SDK1: variants seen among roughly 807,000 people sequenced by gnomAD.
SDK1 encodes protein sidekick-1.
SDK1 carries 157 observed loss-of-function variants against 245.5 expected under a neutral mutation model. That is an observed-to-expected ratio of 0.64 (90% CI 0.56 to 0.73). The LOEUF is 0.73. Ranked by LOEUF, SDK1 falls within the 30% of genes least tolerant of loss-of-function variation. The pLI, the probability that SDK1 is intolerant of heterozygous loss-of-function variation, is 0.00. For synonymous variants in SDK1, 1,647 were observed against 1,278.5 expected (o/e 1.29, Z -6.15); for missense variants, 3,583 against 3,002.3 (o/e 1.19, Z -4.52).
intron 19 of SDK1, among the ~76,000 whole-genome samples, chr7:4,053,935 T>G (rs527880178): frequency 6.6e-6 from 1 of 152,212 alleles, no homozygotes; most frequent in Admixed American, 6.5e-5. Flanking sequence ...GTGGTGGTTT[T>G]TTTTGTTGTT....
At chr7:4,028,921 C>T (rs1787572497) in intron 17 of SDK1, among the ~76,000 whole-genome samples, 2 of 152,132 alleles carry the variant, frequency 1.3e-5, no homozygotes, top group Non-Finnish European at 2.9e-5. Flanking sequence ...GGGGACAGGA[C>T]TCCAGGTTCA....
chr7:4,011,842 T>C (rs1292030854), intron 15 of SDK1, among the ~76,000 whole-genome samples: 1 of 152,210 alleles, frequency 6.6e-6, no homozygotes, highest in African/African-American at 2.4e-5. Flanking sequence ...GCTGAGGTGC[T>C]GGGGTTATTC....
intron 1 of SDK1, among the ~76,000 whole-genome samples, chr7:3,475,042 C>T (rs916270519): frequency 2.0e-5 from 3 of 152,148 alleles, no homozygotes; most frequent in East Asian, 1.9e-4. Flanking sequence ...TTGGTACTCT[C>T]CCGTCCATTT....
chr7:3,413,581 C>T (rs527481657), intron 1 of SDK1, among the ~76,000 whole-genome samples: 1 of 152,218 alleles, frequency 6.6e-6, no homozygotes, highest in South Asian at 2.1e-4. Context: ...ATCCCAGCTA[C>T]TGGGAGGGCT....
chr7:4,049,396 C>A lies in SDK1; in HGVS notation c.2651C>A (p.Thr884Asn). 6.2e-7 allele frequency: 1 copy of A among 1,614,190 alleles called. No homozygotes were observed. The highest frequency in any genetic ancestry group is 8.5e-7 in the Non-Finnish European group (1 of 1,180,032). ...QNVQTEAVNS[T>N]TIQFLWNPPP... ...GTGCAGACGGAAGCCGTGAACTCCA[C>A]CACCATTCAGTTCCTGTGGAACCCT... The change falls in exon 18 of 45, where the codon ACC becomes AAC. Residue 884 changes from threonine to asparagine, a missense_variant. Transcript: ENST00000404826.
intron 12 of SDK1, among the ~76,000 whole-genome samples, chr7:3,972,617 AG>A (rs1057187293): frequency 1.3e-5 from 2 of 152,224 alleles, no homozygotes; most frequent in Non-Finnish European, 2.9e-5. Context: ...TTAGCCCAGA[AG>A]GGGCACAGTG....
chr7:4,024,672 T>C (rs962117160), intron 17 of SDK1, among the ~76,000 whole-genome samples: 7 of 152,198 alleles, frequency 4.6e-5, no homozygotes, highest in African/African-American at 1.4e-4. Context: ...CATATCCCTA[T>C]TGGACAGAGG....
chr7:3,508,109 T>G (rs1016715614), intron 1 of SDK1, among the ~76,000 whole-genome samples: 4 of 152,182 alleles, frequency 2.6e-5, no homozygotes, highest in African/African-American at 7.2e-5. Flanking sequence ...GTCAGGGTGT[T>G]GTCCATTGTC....
chr7:3,333,347 G>A (rs1780117723), intron 1 of SDK1, among the ~76,000 whole-genome samples: 1 of 152,192 alleles, frequency 6.6e-6, no homozygotes, highest in Admixed American at 6.5e-5. Context: ...TGTATGAAAG[G>A]AGTGTGCCAT....
intron 1 of SDK1, among the ~76,000 whole-genome samples, chr7:3,462,124 A>G (rs1164744323): frequency 2.6e-5 from 4 of 152,022 alleles, no homozygotes; most frequent in Non-Finnish European, 4.4e-5. Context: ...CGCTTCTGTC[A>G]TTCTATCAGA....
intron 5 of SDK1, among the ~76,000 whole-genome samples, chr7:3,830,487 ATTTTGTTTTG>A (rs894222423): frequency 6.6e-6 from 1 of 151,942 alleles, no homozygotes; most frequent in Admixed American, 6.6e-5. Flanking sequence ...AGTAACCCTA[ATTTTGTTTTG>A]TTTTGTTTTG....
intron 1 of SDK1, among the ~76,000 whole-genome samples, chr7:3,510,037 T>A (rs931546770): frequency 6.6e-6 from 1 of 152,198 alleles, no homozygotes; most frequent in African/African-American, 2.4e-5. Context: ...GCAGCCATGG[T>A]TGACAACCAT....
chr7:3,682,842 G>C (rs1784151315), intron 4 of SDK1, among the ~76,000 whole-genome samples: 1 of 151,950 alleles, frequency 6.6e-6, no homozygotes, highest in Admixed American at 6.6e-5. Context: ...AGGTTCAAGT[G>C]ATTCTCCTGC....
At chr7:4,022,796 C>A (rs1262230209) in intron 17 of SDK1, among the ~76,000 whole-genome samples, 1 of 139,068 alleles carries the variant, frequency 7.2e-6, no homozygotes, top group African/African-American at 2.9e-5. Flanking sequence ...TTTTTTGAGA[C>A]AGAGTCTTGC....
At chr7:3,646,774 T>G (rs1331542749) in intron 4 of SDK1, among the ~76,000 whole-genome samples, 1 of 152,220 alleles carries the variant, frequency 6.6e-6, no homozygotes, top group Non-Finnish European at 1.5e-5. Context: ...GGTTGAAAAG[T>G]GTCAGAGGCT....
chr7:3,872,446 C>T (rs973554885), intron 5 of SDK1, among the ~76,000 whole-genome samples: 2 of 151,996 alleles, frequency 1.3e-5, no homozygotes, highest in African/African-American at 4.8e-5. Context: ...ACTATAAATA[C>T]AATTTTGTTA....
chr7:3,646,137 G>T (rs1396930842), intron 4 of SDK1, among the ~76,000 whole-genome samples: 1 of 152,146 alleles, frequency 6.6e-6, no homozygotes, highest in Non-Finnish European at 1.5e-5. Flanking sequence ...GATTATAGGC[G>T]TGAGCCACCA....
chr7:3,873,924 A>G (rs1456769325), intron 5 of SDK1, among the ~76,000 whole-genome samples: 1 of 152,190 alleles, frequency 6.6e-6, no homozygotes, highest in Non-Finnish European at 1.5e-5. Context: ...GGTCCAAGAT[A>G]CATGTCATGT....
At chr7:3,951,156 C>G in intron 6 of SDK1, 122 bp downstream of exon 6, 1 of 728,518 alleles carries the variant, frequency 1.4e-6, no homozygotes, top group Non-Finnish European at 2.4e-6. Context: ...CTTGTTTGGC[C>G]GGGTGGGCCA....
Sources: gnomAD v4.1 joint callset for allele counts (sites outside exome capture counted in the v4.1 genomes callset) on GRCh38, gnomAD v4.1.1 for gene constraint, MANE v1.5 for transcripts, NCBI Gene and HGNC (gene_info 2026-07-23, HGNC 2026-07-21) for gene names.